TRHDE: variants seen among roughly 807,000 people sequenced by gnomAD.
TRHDE encodes thyrotropin-releasing hormone-degrading ectoenzyme.
Under a neutral mutation model 125.7 loss-of-function variants are expected in TRHDE, and 72 were observed. The observed-to-expected ratio is 0.57, with a 90% CI of 0.47 to 0.70. The LOEUF is 0.70. Among genes scored for constraint, TRHDE ranks in the 30% least tolerant of loss-of-function variants. The pLI, the probability that TRHDE is intolerant of heterozygous loss-of-function variation, is 0.00. For missense variants in TRHDE, 1,110 were observed against 1,327.1 expected (o/e 0.84, Z 2.54); for synonymous variants, 509 against 509.1 (o/e 1.00, Z 0.00).
At chr12:72,181,871 A>G (rs918401931) in intron 2 of TRHDE, among the ~76,000 whole-genome samples, 4 of 152,114 alleles carry the variant, frequency 2.6e-5, no homozygotes, top group African/African-American at 9.7e-5. Flanking sequence ...AATATACTCA[A>G]TGGCCTACAC....
intron 2 of TRHDE, among the ~76,000 whole-genome samples, chr12:72,352,942 C>T (rs924218354): frequency 6.7e-6 from 1 of 149,888 alleles, no homozygotes; most frequent in Non-Finnish European, 1.5e-5. Context: ...ATTTGTACCT[C>T]TTCTGTACTT....
chr12:72,550,151 A>G (rs950496828), intron 7 of TRHDE, among the ~76,000 whole-genome samples: 1 of 152,030 alleles, frequency 6.6e-6, no homozygotes. Flanking sequence ...AAATTATTAG[A>G]CATATTTAGT....
At chr12:72,328,499 A>G (rs1191814083) in intron 2 of TRHDE, among the ~76,000 whole-genome samples, 2 of 147,286 alleles carry the variant, frequency 1.4e-5, no homozygotes, top group African/African-American at 5.4e-5. Flanking sequence ...TTAATTCATC[A>G]TGATCTGAGG....
chr12:72,362,831 C>T (rs1871164767), intron 2 of TRHDE, among the ~76,000 whole-genome samples: 1 of 152,048 alleles, frequency 6.6e-6, no homozygotes, highest in African/African-American at 2.4e-5. Flanking sequence ...ATCCTTTCCC[C>T]ATTGCTTGTT....
intron 2 of TRHDE, among the ~76,000 whole-genome samples, chr12:72,204,472 A>C (rs1231847340): frequency 1.3e-5 from 2 of 152,268 alleles, no homozygotes; most frequent in East Asian, 3.9e-4. Flanking sequence ...TAAAATCATA[A>C]ATTAAGCAAT....
chr12:72,578,123 A>C (rs1365341760), intron 12 of TRHDE, among the ~76,000 whole-genome samples: 1 of 152,188 alleles, frequency 6.6e-6, no homozygotes, highest in East Asian at 1.9e-4. Flanking sequence ...TTTAAAGATA[A>C]CACATAAAAG....
chr12:72,347,622 A>G lies in TRHDE; in HGVS notation c.1189-30373A>G, dbSNP rs76099199. ...ACTAATGTGGTTGTTCACAGAATTC[A>G]GTTCCTCGTGGGTTGTTGGGCTGAG... On this transcript the variant is annotated intron_variant, in intron 2 of 18. Transcript: ENST00000261180. Among the ~76,000 whole-genome samples the G allele has an allele frequency of 7.1e-3, 1,078 of 152,094 alleles. 14 individuals carry two copies. The highest frequency in any genetic ancestry group is 0.024 in the African/African-American group (997 of 41,504).
Position 72,619,034 on chromosome 12 carries a change from T to C in TRHDE, c.2465T>C (p.Phe822Ser). Residue 822 changes from phenylalanine (F) to serine (S), a missense_variant, in exon 13 of 19, where the codon TTC becomes TCC. By Grantham distance (155) the Phe-to-Ser change is radical. This residue lies in a region of TRHDE where 527 missense variants were observed against 651.8 expected (regional missense o/e 0.81). Transcript: ENST00000261180. ...LLDRMENYNI[F>S]NEYILKQVAT... ...GACCGCATGGAAAACTACAACATTT[T>C]CAATGTAAAAAGATATAATTTTTCT... 1 of 1,550,648 alleles carries C rather than the reference T, an allele frequency of 6.4e-7. No individual in the cohort carries two copies. Among genetic ancestry groups the C allele is most frequent in the Non-Finnish European group, 8.7e-7 (1 of 1,153,368 alleles).
chr12:72,373,276 T>G (rs1322313544), intron 2 of TRHDE, among the ~76,000 whole-genome samples: 23 of 152,182 alleles, frequency 1.5e-4, no homozygotes, highest in Non-Finnish European at 2.9e-5. Context: ...CTTATCAGCT[T>G]AAGGAGATTT....
At chr12:72,171,228 A>G (rs1876866480) in intron 2 of TRHDE, among the ~76,000 whole-genome samples, 1 of 151,778 alleles carries the variant, frequency 6.6e-6, no homozygotes, top group Non-Finnish European at 1.5e-5. Context: ...TCTTTAGAAA[A>G]AGAGGCCTTA....
intron 2 of TRHDE, among the ~76,000 whole-genome samples, chr12:72,128,545 A>G (rs1239072161): frequency 6.6e-6 from 1 of 152,240 alleles, no homozygotes; most frequent in Non-Finnish European, 1.5e-5. Flanking sequence ...ACTACGTCAT[A>G]TGTTCAAAAA....
intron 5 of TRHDE, among the ~76,000 whole-genome samples, chr12:72,474,319 G>A (rs1451006097): frequency 6.6e-5 from 10 of 152,176 alleles, no homozygotes; most frequent in Non-Finnish European, 2.9e-5. Context: ...GAAGTTTTCA[G>A]GTGTGTGATG....
intron 2 of TRHDE, among the ~76,000 whole-genome samples, chr12:72,114,836 C>T (rs932917820): frequency 6.6e-6 from 1 of 151,790 alleles, no homozygotes; most frequent in African/African-American, 2.4e-5. Flanking sequence ...AATTTGTTCC[C>T]TGACAATTTA....
At chr12:72,388,915 T>A (rs1872532102) in intron 3 of TRHDE, among the ~76,000 whole-genome samples, 1 of 151,434 alleles carries the variant, frequency 6.6e-6, no homozygotes, top group Non-Finnish European at 1.5e-5. Context: ...CTCCTTGTTG[T>A]TTTTTTAAAA....
chr12:72,336,592 T>A (rs1271802030), intron 2 of TRHDE, among the ~76,000 whole-genome samples: 1 of 152,176 alleles, frequency 6.6e-6, no homozygotes, highest in African/African-American at 2.4e-5. Context: ...TGAGACTGGA[T>A]AATTTACAAA....
chr12:72,191,051 A>G (rs781523520), intron 2 of TRHDE, among the ~76,000 whole-genome samples: 4 of 152,240 alleles, frequency 2.6e-5, no homozygotes, highest in African/African-American at 4.8e-5. Context: ...CCTCTCCTAT[A>G]GTATTCTATA....
chr12:72,639,811 C>T (rs920070509), intron 15 of TRHDE, among the ~76,000 whole-genome samples: 6 of 152,140 alleles, frequency 3.9e-5, no homozygotes, highest in African/African-American at 1.4e-4. Context: ...ATTTAGGCTG[C>T]TCGGGGGGTC....
At chr12:72,637,239 T>C (rs1170812201) in intron 15 of TRHDE, among the ~76,000 whole-genome samples, 7 of 152,172 alleles carry the variant, frequency 4.6e-5, no homozygotes, top group Non-Finnish European at 1.0e-4. Flanking sequence ...TGGGAGAGTG[T>C]TTGTGTCGAG....
At chr12:72,447,518 G>A (rs1875354339) in intron 3 of TRHDE, among the ~76,000 whole-genome samples, 1 of 152,046 alleles carries the variant, frequency 6.6e-6, no homozygotes, top group Non-Finnish European at 1.5e-5. Context: ...TTCTAGACCA[G>A]TGGTTCTTCA....
Sources: gnomAD v4.1 joint callset for allele counts (sites outside exome capture counted in the v4.1 genomes callset) on GRCh38, gnomAD v4.1.1 for gene constraint, gnomAD v4.1.1 regional missense constraint, MANE v1.5 for transcripts, NCBI Gene and HGNC (gene_info 2026-07-23, HGNC 2026-07-21) for gene names.